The following IL1RN variants were observed in gnomAD, a reference collection of about 807,000 sequenced individuals.
IL1RN encodes interleukin 1 receptor antagonist.
Under a neutral mutation model 13.7 loss-of-function variants are expected in IL1RN, and 10 were observed. The observed-to-expected ratio is 0.73, with a 90% CI of 0.45 to 1.24. IL1RN has a LOEUF of 1.24. Among genes scored for constraint, IL1RN ranks in the 50% most tolerant of loss-of-function variants. The probability of loss-of-function intolerance (pLI) is 0.00; values close to 1 mark genes in which losing one functional copy is unlikely to be tolerated. For missense variants in IL1RN, 213 were observed against 222.1 expected, an observed-to-expected ratio of 0.96 and a Z score of 0.26; for synonymous variants, 102 against 82.7, an observed-to-expected ratio of 1.23 and a Z score of -1.27.
At chr2:113,099,884 G>A in the IL1RN span, among the ~76,000 whole-genome samples, 2 of 144,324 alleles carry the variant, frequency 1.4e-5, no homozygotes, top group Non-Finnish European at 1.5e-5. Context: ...ACAGGCACCT[G>A]CCACCACGCC....
upstream of IL1RN, chr2:113,117,813 C>T (rs17042923): frequency 3.2e-4 from 208 of 640,938 alleles, 1 homozygote; most frequent in East Asian, 5.3e-3. Context: ...CCCATCTCCT[C>T]ATGCTGGCCA....
upstream of IL1RN, among the ~76,000 whole-genome samples, chr2:113,126,129 T>C (rs315934): frequency 0.15 from 22,380 of 152,222 alleles, 1,900 homozygotes; most frequent in Non-Finnish European, 0.2. Context: ...GTTTGAGAAA[T>C]AGTGTCTTCC....
At position 113,129,787 on chromosome 2, in the gene IL1RN, G is replaced by T. The variant is rs1044320350; in HGVS notation, c.205+123G>T. 4 of 757,684 alleles carry T rather than the reference G, an allele frequency of 5.3e-6. No individual in the cohort carries two copies. In the African/African-American group the frequency reaches 6.8e-5, roughly 13 times the overall value. The allele number at this position is 757,684 out of a possible 1,614,324, so 46.9% of individuals were successfully genotyped here. A position where few individuals can be genotyped will look rare whatever the true frequency, so the allele number is the denominator to read the frequency against. On this transcript the variant is annotated intron_variant, in intron 2 of 3. Coordinates refer to ENST00000409930, the MANE Select transcript of IL1RN (RefSeq NM_173842.3). ...ATGTCCTAATCCTTGTTGGGTCTTTGTATTCAAGTTTGAAGCTGGGAGGGC... is the reference window on the plus strand; with the variant it reads ...ATGTCCTAATCCTTGTTGGGTCTTTTTATTCAAGTTTGAAGCTGGGAGGGC...
chr2:113,109,399 C>T (rs371177606), upstream of IL1RN, among the ~76,000 whole-genome samples: 36 of 111,258 alleles, frequency 3.2e-4, no homozygotes, highest in South Asian at 8.9e-3. Flanking sequence ...GCAGCAAGAG[C>T]GAAACGCCAT....
chr2:113,099,723 C>CTTTTTTTTTTTT, the IL1RN span, among the ~76,000 whole-genome samples: 34 of 72,170 alleles, frequency 4.7e-4, no homozygotes, highest in Non-Finnish European at 7.9e-4. Context: ...CCTCTTCTTT[C>CTTTTTTTTTTTT]TTTTCTTTTT....
chr2:113,131,094 C>A lies in IL1RN; in HGVS notation c.255C>A (p.Ile85=). ...AGCCTCATGCTCTGTTCTTGGGAAT[C>A]CATGGAGGGAAGATGTGCCTGTCCT... ...PIEPHALFLG[I]HGGKMCLSCV... is the part of the protein sequence containing the mutation. Residue 85 remains isoleucine (I), a synonymous_variant, in exon 3 of 4, where the codon ATC becomes ATA. Coordinates refer to ENST00000409930, the MANE Select transcript of IL1RN (RefSeq NM_173842.3). 2.5e-6 allele frequency: 4 copies of A among 1,613,874 alleles called. No homozygotes were observed. Among genetic ancestry groups the A allele is most frequent in the Non-Finnish European group, 3.4e-6 (4 of 1,179,716 alleles).
upstream of IL1RN, among the ~76,000 whole-genome samples, chr2:113,122,909 T>A (rs1193310766): frequency 6.6e-6 from 1 of 152,184 alleles, no homozygotes; most frequent in African/African-American, 2.4e-5. Flanking sequence ...GTGGATCACC[T>A]GAGGTCGGGA....
At chr2:113,131,344 G>C (rs1014042259) in intron 3 of IL1RN, among the ~76,000 whole-genome samples, 187 bp downstream of exon 3, 7 of 152,210 alleles carry the variant, frequency 4.6e-5, no homozygotes, top group African/African-American at 1.7e-4. Flanking sequence ...GGGCATCCAA[G>C]GTGGTCCCTC....
chr2:113,099,892 G>A, the IL1RN span, among the ~76,000 whole-genome samples: 1 of 137,714 alleles, frequency 7.3e-6, no homozygotes, highest in Non-Finnish European at 1.7e-5. Context: ...CTGCCACCAC[G>A]CCCGGCTAAT....
intron 2 of IL1RN, among the ~76,000 whole-genome samples, chr2:113,122,010 T>C (rs975081762): frequency 3.9e-5 from 6 of 152,232 alleles, no homozygotes; most frequent in African/African-American, 1.4e-4. Context: ...TGTAGCATTA[T>C]CTTAGCAAAA....
chr2:113,105,935 A>G (rs563427205), upstream of IL1RN, among the ~76,000 whole-genome samples: 7 of 152,304 alleles, frequency 4.6e-5, no homozygotes, highest in South Asian at 2.1e-4. Context: ...ATGTCACTCA[A>G]TCACCTTCTG....
chr2:113,116,911 C>G (rs1488427080), upstream of IL1RN, among the ~76,000 whole-genome samples: 2 of 152,212 alleles, frequency 1.3e-5, no homozygotes, highest in African/African-American at 4.8e-5. Flanking sequence ...TTGCAGCTGT[C>G]AAAATGAGGT....
intron 2 of IL1RN, chr2:113,121,723 G>A (rs1261437561): frequency 1.8e-6 from 1 of 568,260 alleles, no homozygotes; most frequent in Non-Finnish European, 2.2e-6. Context: ...AGCAGAGGTG[G>A]TCACCCTGAT....
chr2:113,127,650 G>A lies in IL1RN; in HGVS notation c.26G>A (p.Ser9Asn), dbSNP rs1240752552. ...ATGGAAATCTGCAGAGGCCTCCGCA[G>A]TCACCTAATCACTCTCCTCCTCTTC... MEICRGLR[S>N]HLITLLLFLF... The change falls in exon 1 of 4, where the codon AGT becomes AAT. Residue 9 changes from serine (S) to asparagine (N), a missense_variant. Physicochemically the swap from Ser to Asn is conservative, Grantham distance 46 (BLOSUM62 1). Coordinates refer to ENST00000409930, the MANE Select transcript of IL1RN (RefSeq NM_173842.3). The A allele has an allele frequency of 2.5e-6, 4 of 1,614,116 alleles. No homozygotes were observed. The highest frequency in any genetic ancestry group is 2.2e-5 in the East Asian group (1 of 44,868).
chr2:113,100,027 A>C, the IL1RN span, among the ~76,000 whole-genome samples: 6 of 122,934 alleles, frequency 4.9e-5, no homozygotes, highest in Admixed American at 7.9e-5. Flanking sequence ...AGCCACCGCG[A>C]CTGGCCCCTC....
upstream of IL1RN, among the ~76,000 whole-genome samples, chr2:113,114,309 G>A (rs1686551490): frequency 6.6e-6 from 1 of 152,118 alleles, no homozygotes; most frequent in Admixed American, 6.5e-5. Flanking sequence ...TATGGATTCA[G>A]GAGTCCTCAG....
chr2:113,120,889 T>A (rs533852631), intron 2 of IL1RN, among the ~76,000 whole-genome samples: 114 of 152,342 alleles, frequency 7.5e-4, no homozygotes, highest in South Asian at 2.9e-3. Context: ...AAGAAATAAC[T>A]AAACTGGGTT....
upstream of IL1RN, among the ~76,000 whole-genome samples, chr2:113,108,368 T>A (rs1054646260): frequency 3.9e-5 from 6 of 152,102 alleles, no homozygotes; most frequent in Non-Finnish European, 7.4e-5. Flanking sequence ...CATTAACTCA[T>A]CATTTAGCAT....
At chr2:113,118,844 C>T (rs1014223026) in intron 1 of IL1RN, among the ~76,000 whole-genome samples, 6 of 152,182 alleles carry the variant, frequency 3.9e-5, no homozygotes, top group Admixed American at 3.9e-4. Context: ...CAAGGCCTGC[C>T]TGGCCAACAT....
Sources: gnomAD v4.1 joint callset for allele counts (sites outside exome capture counted in the v4.1 genomes callset) on GRCh38, gnomAD v4.1.1 for gene constraint, MANE v1.5 for transcripts, NCBI Gene and HGNC (gene_info 2026-07-23, HGNC 2026-07-21) for gene names.